The following STX17 variants were observed in gnomAD, a reference collection of about 807,000 sequenced individuals.
The protein encoded by STX17 is syntaxin-17.
Under a neutral mutation model 35.9 loss-of-function variants are expected in STX17, and 29 were observed. The observed-to-expected ratio is 0.81, with a 90% CI of 0.60 to 1.10. The LOEUF is 1.10. Among genes scored for constraint, STX17 ranks in the 50% least tolerant of loss-of-function variants. The probability of loss-of-function intolerance (pLI) is 0.00; values close to 1 mark genes in which losing one functional copy is unlikely to be tolerated. For synonymous variants in STX17, 92 were observed against 118.3 expected (o/e 0.78, Z 1.44); for missense variants, 312 against 352.3 (o/e 0.89, Z 0.92).
intron 3 of STX17, among the ~76,000 whole-genome samples, chr9:99,949,207 G>A (rs1184653423): frequency 1.3e-5 from 2 of 151,928 alleles, no homozygotes; most frequent in South Asian, 4.1e-4. Flanking sequence ...CACATATTTT[G>A]AATCTACAGT....
intron 2 of STX17, among the ~76,000 whole-genome samples, chr9:99,920,345 T>C (rs1429077884): frequency 1.3e-5 from 2 of 152,192 alleles, no homozygotes; most frequent in Non-Finnish European, 2.9e-5. Context: ...TGTCTTCCTG[T>C]TGTATCTAGA....
intron 7 of STX17, 59 bp from the exon 8 acceptor site, chr9:99,968,375 T>C: frequency 6.6e-7 from 1 of 1,505,466 alleles, no homozygotes; most frequent in African/African-American, 1.4e-5. Context: ...AAAACGCACA[T>C]CACCACAGGC....
intron 3 of STX17, among the ~76,000 whole-genome samples, chr9:99,939,078 A>G (rs978108146): frequency 6.6e-6 from 1 of 152,200 alleles, no homozygotes; most frequent in Non-Finnish European, 1.5e-5. Context: ...TCATGATTTT[A>G]CTAGGAAAAA....
rs916153878 is a variant in STX17 at position 99,932,893 on chromosome 9, G to A, written c.189+4050G>A. Among the ~76,000 whole-genome samples, 4 of 152,050 alleles carry A rather than the reference G, an allele frequency of 2.6e-5. No homozygotes were observed. The East Asian group carries it at 5.8e-4, about 22-fold the overall frequency. ...CTAGATTTATCATCATTAGATTTAC[G>A]TAGTAAGAGCTATATTGTCACATTC... On this transcript the variant is annotated intron_variant, in intron 3 of 7. Transcript: ENST00000259400.
rs1289085562 is a variant in STX17, at chr9:99,967,562, C to T, written c.583-91C>T. ...ATTAAGATGGCAAGGCTGCAGTACC[C>T]AGGGCCCTGATTACAGGAATTAAAA... On this transcript the variant is annotated intron_variant, in intron 6 of 7. Coordinates refer to ENST00000259400, the MANE Select transcript of STX17 (RefSeq NM_017919.3). 3 of 1,140,684 alleles carry T rather than the reference C, an allele frequency of 2.6e-6. No individual in the cohort carries two copies. In the African/African-American group the frequency reaches 4.6e-5, roughly 17 times the overall value. The allele number at this position is 1,140,684 out of a possible 1,614,324, so 70.7% of individuals were successfully genotyped here.
At chr9:99,936,612 G>C (rs557296595) in intron 3 of STX17, among the ~76,000 whole-genome samples, 1 of 151,520 alleles carries the variant, frequency 6.6e-6, no homozygotes, top group Non-Finnish European at 1.5e-5. Flanking sequence ...TCTTTTAGTG[G>C]TTCCTTTAGG....
intron 3 of STX17, among the ~76,000 whole-genome samples, chr9:99,939,582 T>TACTGTG (rs1829308215): frequency 6.6e-6 from 1 of 152,240 alleles, no homozygotes; most frequent in South Asian, 2.1e-4. Flanking sequence ...GTGGACAAGA[T>TACTGTG]ACTGTGTTTT....
intron 4 of STX17, among the ~76,000 whole-genome samples, chr9:99,954,804 A>G (rs765028267): frequency 1.3e-5 from 2 of 152,126 alleles, no homozygotes; most frequent in Non-Finnish European, 2.9e-5. Context: ...AAGATCAAAA[A>G]TACAAAAATA....
intron 3 of STX17, among the ~76,000 whole-genome samples, chr9:99,944,601 G>C (rs184323332): frequency 4.4e-4 from 67 of 151,048 alleles, no homozygotes; most frequent in African/African-American, 1.5e-3. Flanking sequence ...TGCAACCTCC[G>C]CCTCTTGGGT....
intron 2 of STX17, among the ~76,000 whole-genome samples, chr9:99,919,710 T>A (rs1323049273): frequency 6.6e-6 from 1 of 152,236 alleles, no homozygotes; most frequent in East Asian, 1.9e-4. Flanking sequence ...AGGAAATAAA[T>A]GTTAGCTTTT....
At position 99,971,668 on chromosome 9, in the gene STX17, CT is replaced by C. The variant is rs1294239150; in HGVS notation, c.*2996del. On this transcript the variant is annotated 3_prime_UTR_variant, in exon 8 of 8. Transcript: ENST00000259400. ...AAAGGGGTGAAGCCAGGAATGTTAA[CT>C]AGGTCTGTTGAGCTACAAAAACTTT... is the stretch of plus-strand genomic sequence containing the variant. 2.0e-5 allele frequency among the ~76,000 whole-genome samples: 3 copies of C among 152,182 alleles called. No homozygotes were observed. The highest frequency in any genetic ancestry group is 4.4e-5 in the Non-Finnish European group (3 of 68,032).
chr9:99,932,787 T>C (rs577788989), intron 3 of STX17, among the ~76,000 whole-genome samples: 1 of 152,306 alleles, frequency 6.6e-6, no homozygotes, highest in Admixed American at 6.5e-5. Flanking sequence ...CTCTGAATTT[T>C]GTGTATAGAT....
intron 3 of STX17, among the ~76,000 whole-genome samples, chr9:99,933,108 G>A (rs1829158316): frequency 6.6e-6 from 1 of 151,968 alleles, no homozygotes; most frequent in South Asian, 2.1e-4. Context: ...AATCCATCTG[G>A]AATTGGTGGT....
chr9:99,940,881 C>A (rs1395759541), intron 3 of STX17, among the ~76,000 whole-genome samples: 1 of 152,192 alleles, frequency 6.6e-6, no homozygotes, highest in Non-Finnish European at 1.5e-5. Flanking sequence ...TAAACTTGAT[C>A]AAATTATCTT....
intron 3 of STX17, chr9:99,929,733 G>A (rs564562411): frequency 6.6e-6 from 1 of 151,228 alleles, no homozygotes; most frequent in East Asian, 1.9e-4. Flanking sequence ...TATTGATTAT[G>A]GAGATATTGT....
rs1437061713 is a variant in STX17 at position 99,919,494 on chromosome 9, G to A, written c.123+4132G>A. Among the ~76,000 whole-genome samples the A allele has an allele frequency of 2.6e-5, 4 of 152,268 alleles. No homozygotes were observed. In the South Asian group the frequency reaches 6.2e-4, roughly 24 times the overall value. On this transcript the variant is annotated intron_variant, in intron 2 of 7. Coordinates refer to ENST00000259400, the MANE Select transcript of STX17 (RefSeq NM_017919.3). ...TAGCTTTCTTTGGTTTGCTGAGTCA[G>A]TTACAACATATCCATACTCTTTCTA...
chr9:99,945,413 G>A (rs141649402), intron 3 of STX17, among the ~76,000 whole-genome samples: 109 of 152,152 alleles, frequency 7.2e-4, no homozygotes, highest in African/African-American at 2.5e-3. Flanking sequence ...GCCGCAGCAG[G>A]TTTTCTTTGG....
chr9:99,928,923 C>T, intron 3 of STX17, 80 bp downstream of exon 3: 1 of 1,240,156 alleles, frequency 8.1e-7, no homozygotes, highest in East Asian at 2.4e-5. Context: ...ATTACCTTTG[C>T]AGCTGAACCC....
rs139108922 is a variant in STX17 at position 99,974,377 on chromosome 9, T to C, written c.*5704T>C. 5.3e-5 allele frequency among the ~76,000 whole-genome samples: 8 copies of C among 152,352 alleles called. No homozygotes were observed. The highest frequency in any genetic ancestry group is 1.9e-4 in the African/African-American group (8 of 41,582). Reference sequence around the variant, plus strand: ...CCTAAAGATGTTTTCCATTTTATTGTTAAACACTTGGTGTTAGCAAGGGTC... The same window carrying C: ...CCTAAAGATGTTTTCCATTTTATTGCTAAACACTTGGTGTTAGCAAGGGTC... On this transcript the variant is annotated 3_prime_UTR_variant, in exon 8 of 8. Coordinates refer to ENST00000259400, the MANE Select transcript of STX17 (RefSeq NM_017919.3).
Sources: allele counts gnomAD v4.1 joint callset (sites outside exome capture counted in the v4.1 genomes callset), GRCh38; gene constraint gnomAD v4.1.1; transcripts MANE v1.5; gene names NCBI Gene and HGNC (gene_info 2026-07-23, HGNC 2026-07-21).